The following RAB5IF variants were observed in gnomAD, a reference collection of about 807,000 sequenced individuals.
The protein encoded by RAB5IF is RAB5 interacting factor.
In RAB5IF, 15 loss-of-function variants were observed where a neutral mutation model predicts 20.3. The ratio of observed to expected loss-of-function variants is 0.74; its 90% CI spans 0.50 to 1.14. The LOEUF is 1.14. Among genes scored for constraint, RAB5IF ranks in the 50% most tolerant of loss-of-function variants. The pLI is 0.00. For missense variants in RAB5IF, 148 were observed against 159.5 expected (o/e 0.93, Z 0.39); for synonymous variants, 67 against 63.7 (o/e 1.05, Z -0.25).
chr20:36,612,281 C>T lies in RAB5IF; in HGVS notation c.*230C>T, dbSNP rs111270662. 1 of 1,520,646 alleles carries T rather than the reference C, an allele frequency of 6.6e-7. No individual in the cohort carries two copies. Among genetic ancestry groups the T allele is most frequent in the Non-Finnish European group, 9.1e-7 (1 of 1,095,844 alleles). The allele number at this position is 1,520,646 out of a possible 1,614,324, so 94.2% of individuals were successfully genotyped here. A position where few individuals can be genotyped will look rare whatever the true frequency, so the allele number is the denominator to read the frequency against. On this transcript the variant is annotated 3_prime_UTR_variant, in exon 4 of 4. Transcript: ENST00000344795. The stretch of plus-strand genomic sequence containing the variant: ...CATTTCTGAATTTATCCATCACCAA[C>T]CATTTCTTCTTGGATACCATCAAGT...
chr20:36,612,175 C>T lies in RAB5IF; in HGVS notation c.*124C>T, dbSNP rs141883588. Reference sequence around the variant, plus strand: ...TGGAAGACCCGTGTTTCCTGGACCGCGAATCAGTGTGTTGGGCATCAGTGT... The same window carrying T: ...TGGAAGACCCGTGTTTCCTGGACCGTGAATCAGTGTGTTGGGCATCAGTGT... On this transcript the variant is annotated 3_prime_UTR_variant, in exon 4 of 4. Transcript: ENST00000344795. 2.4e-4 allele frequency: 392 copies of T among 1,614,058 alleles called. No homozygotes were observed. Among genetic ancestry groups the T allele is most frequent in the Non-Finnish European group, 7.7e-5 (91 of 1,180,044 alleles).
intron 2 of RAB5IF, 162 bp downstream of exon 2, chr20:36,607,980 C>A: frequency 6.7e-7 from 1 of 1,493,466 alleles, no homozygotes; most frequent in Non-Finnish European, 9.0e-7. Flanking sequence ...TCTGGTGCAC[C>A]ACTCCTCAGG....
rs118081466 is a variant in RAB5IF at position 36,606,377 on chromosome 20, C to T, written c.114+312C>T. Among the ~76,000 whole-genome samples the T allele has an allele frequency of 1.9e-3, 284 of 152,332 alleles. 4 individuals carry two copies. The East Asian group carries it at 0.044, about 24-fold the overall frequency. On this transcript the variant is annotated intron_variant, in intron 1 of 3. Coordinates refer to ENST00000344795, the MANE Select transcript of RAB5IF (RefSeq NM_018840.5). ...AAGGGAGCTGAATTCGATTCGGCCT[C>T]CGCCTTTTATGTGCAGTAGGGTTTT... is the stretch of plus-strand genomic sequence containing the variant.
In RAB5IF at chr20:36,609,170, C is replaced by CACACACACACACACACACACACAG. The variant is rs2039017652; in HGVS notation, c.219-408_219-407insGACACACACACACACACACACACA. Among the ~76,000 whole-genome samples, 2 of 42,428 alleles carry CACACACACACACACACACACACAG rather than the reference C, an allele frequency of 4.7e-5. 1 individual carries two copies. Among genetic ancestry groups the CACACACACACACACACACACACAG allele is most frequent in the Non-Finnish European group, 1.0e-4 (2 of 19,436 alleles). The allele number at this position is 42,428 out of a possible 152,430, so 27.8% of individuals were successfully genotyped here. On this transcript the variant is annotated intron_variant, in intron 2 of 3. Coordinates refer to ENST00000344795, the MANE Select transcript of RAB5IF (RefSeq NM_018840.5). ...GAGAACTATATTACACACACACACACACACACACACACACACACACACACG... is the reference window on the plus strand; with the variant it reads ...GAGAACTATATTACACACACACACACACACACACACACACACACACACAGACACACACACACACACACACACACG...
At chr20:36,609,195 G>GAGACACA (rs1568595472) in intron 2 of RAB5IF, among the ~76,000 whole-genome samples, 1 of 34,004 alleles carries the variant, frequency 2.9e-5, no homozygotes, top group Non-Finnish European at 5.4e-5. Context: ...ACACACACAC[G>GAGACACA]CACACACGCA....
In RAB5IF at chr20:36,609,740, G is replaced by T; in HGVS notation, c.348+10G>T. Reference sequence around the variant, plus strand: ...TTTTGCCTTGTTCATGGTATGTGTAGCTGATAGTTTTACAACAGGTACTGT... The same window carrying T: ...TTTTGCCTTGTTCATGGTATGTGTATCTGATAGTTTTACAACAGGTACTGT... On this transcript the variant is annotated intron_variant, in intron 3 of 3. Coordinates refer to ENST00000344795, the MANE Select transcript of RAB5IF (RefSeq NM_018840.5). 1 of 1,614,146 alleles carries T rather than the reference G, an allele frequency of 6.2e-7. No homozygotes were observed. The highest frequency in any genetic ancestry group is 8.5e-7 in the Non-Finnish European group (1 of 1,180,024).
chr20:36,611,244 G>A (rs1331768941), intron 3 of RAB5IF, among the ~76,000 whole-genome samples: 2 of 152,096 alleles, frequency 1.3e-5, no homozygotes, highest in East Asian at 1.9e-4. Flanking sequence ...GCCTGCTTCC[G>A]CCTCCCAAAG....
chr20:36,612,422 C>T lies in RAB5IF; in HGVS notation c.*371C>T. The stretch of plus-strand genomic sequence containing the variant: ...ATCGGGTGTAGAGTTTTTAAACTAT[C>T]AATGGCATTTCAAGTCTTCTGAAAC... On this transcript the variant is annotated 3_prime_UTR_variant, in exon 4 of 4. Transcript: ENST00000344795. The T allele has an allele frequency of 1.6e-6, 1 of 616,548 alleles. No homozygotes were observed. Among genetic ancestry groups the T allele is most frequent in the East Asian group, 2.8e-5 (1 of 35,954 alleles). 38.2% of individuals were successfully genotyped at this position (616,548 alleles called of 1,614,324 possible). A position where few individuals can be genotyped will look rare whatever the true frequency, so the allele number is the denominator to read the frequency against.
chr20:36,609,609 T>C lies in RAB5IF; in HGVS notation c.227T>C (p.Leu76Pro), dbSNP rs762449981. Residue 76 changes from leucine (L) to proline (P), a missense_variant, in exon 3 of 4, where the codon CTG becomes CCG. By Grantham distance (98) the Leu-to-Pro change is moderately conservative (BLOSUM62 -3). Coordinates refer to ENST00000344795, the MANE Select transcript of RAB5IF (RefSeq NM_018840.5). ...GTTCTCTGTTGCTCCAGATTCTGCC[T>C]GATCAATGCAGGAGTCCTGTACCTC... Reference protein sequence around the residue: ...RGFLGIAGFCLINAGVLYLYF... With the variant: ...RGFLGIAGFCPINAGVLYLYF... 3 of 1,594,486 alleles carry C rather than the reference T, an allele frequency of 1.9e-6. No individual in the cohort carries two copies. The Admixed American group carries it at 5.3e-5, about 28-fold the overall frequency.
rs1568596175 is a variant in RAB5IF, at chr20:36,609,703, G to A, written c.321G>A (p.Gly107=). The change falls in exon 3 of 4, where the codon GGG becomes GGA. Residue 107 remains glycine, a synonymous_variant. Coordinates refer to ENST00000344795, the MANE Select transcript of RAB5IF (RefSeq NM_018840.5). ...YGGTWELTKE[G]FMTSFALFMV... ...GCACGTGGGAGCTCACGAAGGAAGG[G>A]TTTATGACCTCTTTTGCCTTGTTCA... is the stretch of plus-strand genomic sequence containing the variant. 1 of 1,614,186 alleles carries A rather than the reference G, an allele frequency of 6.2e-7. No homozygotes were observed. Among genetic ancestry groups the A allele is most frequent in the Admixed American group, 1.7e-5 (1 of 60,022 alleles).
chr20:36,612,262 T>A lies in RAB5IF; in HGVS notation c.*211T>A. On this transcript the variant is annotated 3_prime_UTR_variant, in exon 4 of 4. Transcript: ENST00000344795. The stretch of plus-strand genomic sequence containing the variant: ...CCACCCACCTTTGGGGAAGCATTTC[T>A]GAATTTATCCATCACCAACCATTTC... 1 of 1,589,270 alleles carries A rather than the reference T, an allele frequency of 6.3e-7. No homozygotes were observed. Among genetic ancestry groups the A allele is most frequent in the Non-Finnish European group, 8.6e-7 (1 of 1,157,486 alleles).
At position 36,611,933 on chromosome 20, in the gene RAB5IF, C is replaced by T. The variant is rs182003391; in HGVS notation, c.349-77C>T. 1.9e-4 allele frequency: 306 copies of T among 1,592,594 alleles called. 1 individual carries two copies. In the African/African-American group the frequency reaches 3.7e-3, roughly 19 times the overall value. On this transcript the variant is annotated intron_variant, in intron 3 of 3. Coordinates refer to ENST00000344795, the MANE Select transcript of RAB5IF (RefSeq NM_018840.5). ...GGAGAGTGCCCCGTGTTTACATTCT[C>T]ATCTGGCATTTTTGTTTTGTGGAAT... is the stretch of plus-strand genomic sequence containing the variant.
At chr20:36,609,254 C>CTA (rs2039044074) in intron 2 of RAB5IF, among the ~76,000 whole-genome samples, 1 of 135,196 alleles carries the variant, frequency 7.4e-6, no homozygotes, top group Non-Finnish European at 1.5e-5. Context: ...CACACACACA[C>CTA]ACTATATATA....
Position 36,605,873 on chromosome 20 carries a change from TGACCTGCGACCCTA to T in RAB5IF, c.-74_-61del. On this transcript the variant is annotated 5_prime_UTR_variant, in exon 1 of 4. Transcript: ENST00000344795. ...CTGAGCCTGCAGCCGCCCCGCGCCG[TGACCTGCGACCCTA>T]GACCCCGACTCCCTTTGGCTCAGCC... 2 of 785,840 alleles carry T rather than the reference TGACCTGCGACCCTA, an allele frequency of 2.5e-6. No individual in the cohort carries two copies. Among genetic ancestry groups the T allele is most frequent in the Non-Finnish European group, 3.6e-6 (2 of 551,634 alleles). 48.7% of individuals were successfully genotyped at this position (785,840 alleles called of 1,614,324 possible).
At position 36,612,416 on chromosome 20, in the gene RAB5IF, A is replaced by C; in HGVS notation, c.*365A>C. 1.6e-6 allele frequency: 1 copy of C among 626,182 alleles called. No homozygotes were observed. The allele number at this position is 626,182 out of a possible 1,614,324, so 38.8% of individuals were successfully genotyped here. A position where few individuals can be genotyped will look rare whatever the true frequency, so the allele number is the denominator to read the frequency against. ...TTCTCCATCGGGTGTAGAGTTTTTA[A>C]ACTATCAATGGCATTTCAAGTCTTC... On this transcript the variant is annotated 3_prime_UTR_variant, in exon 4 of 4. Coordinates refer to ENST00000344795, the MANE Select transcript of RAB5IF (RefSeq NM_018840.5).
chr20:36,608,633 G>A (rs189708395), intron 2 of RAB5IF, among the ~76,000 whole-genome samples: 491 of 148,288 alleles, frequency 3.3e-3, no homozygotes, highest in Non-Finnish European at 5.5e-3. Context: ...GCGTGATCTC[G>A]GCTCACTGCA....
chr20:36,609,918 T>A, intron 3 of RAB5IF, 188 bp downstream of exon 3: 1 of 841,250 alleles, frequency 1.2e-6, no homozygotes, highest in Non-Finnish European at 1.8e-6. Context: ...TACTGTACAG[T>A]CCCCTGTAAT....
At chr20:36,608,845 A>T (rs1309963324) in intron 2 of RAB5IF, among the ~76,000 whole-genome samples, 1 of 151,604 alleles carries the variant, frequency 6.6e-6, no homozygotes, top group African/African-American at 2.4e-5. Flanking sequence ...GATTATAGGC[A>T]TGAGCCACCA....
chr20:36,606,023 C>A lies in RAB5IF; in HGVS notation c.72C>A (p.Val24=), dbSNP rs540148409. The change falls in exon 1 of 4, where the codon GTC becomes GTA. Residue 24 remains valine (V), a synonymous_variant. Transcript: ENST00000344795. The stretch of plus-strand genomic sequence containing the variant: ...CCAACGGGGCCCTCAAAGTCTCCGT[C>A]TGGAGTAAGGTGCTGCGGAGCGACG... ...QLANGALKVS[V]WSKVLRSDAA... The A allele has an allele frequency of 1.2e-5, 18 of 1,529,056 alleles. No individual in the cohort carries two copies. Among genetic ancestry groups the A allele is most frequent in the Admixed American group, 2.0e-5 (1 of 49,450 alleles). 94.7% of individuals were successfully genotyped at this position (1,529,056 alleles called of 1,614,324 possible). A position where few individuals can be genotyped will look rare whatever the true frequency, so the allele number is the denominator to read the frequency against.
Sources: allele counts gnomAD v4.1 joint callset (sites outside exome capture counted in the v4.1 genomes callset), GRCh38; gene constraint gnomAD v4.1.1; transcripts MANE v1.5; gene names NCBI Gene and HGNC (gene_info 2026-07-23, HGNC 2026-07-21).